Variants in PARD3B observed in about 807,000 individuals in gnomAD.
PARD3B encodes the protein partitioning defective 3 homolog B.
Under a neutral mutation model 130.2 loss-of-function variants are expected in PARD3B, and 103 were observed. The ratio of observed to expected loss-of-function variants is 0.79; its 90% CI spans 0.67 to 0.93. The LOEUF (loss-of-function observed/expected upper bound fraction) is 0.93. Among genes scored for constraint, PARD3B ranks in the 40% least tolerant of loss-of-function variants. The pLI, the probability that PARD3B is intolerant of heterozygous loss-of-function variation, is 0.00. For synonymous variants in PARD3B, 583 were observed against 553.2 expected (o/e 1.05, Z -0.76); for missense variants, 1,609 against 1,499.2 (o/e 1.07, Z -1.21).
intron 2 of PARD3B, among the ~76,000 whole-genome samples, chr2:204,832,195 C>T (rs2043850797): frequency 6.6e-6 from 1 of 151,866 alleles, no homozygotes; most frequent in African/African-American, 2.4e-5. Context: ...CACTGCACTC[C>T]AGTCTGGGCG....
chr2:204,592,363 G>A (rs1273722734), intron 1 of PARD3B, among the ~76,000 whole-genome samples: 1 of 152,108 alleles, frequency 6.6e-6, no homozygotes, highest in Non-Finnish European at 1.5e-5. Flanking sequence ...AGATTATTTT[G>A]GTAACAAGAG....
intron 2 of PARD3B, among the ~76,000 whole-genome samples, chr2:204,730,255 G>A (rs1347348612): frequency 1.3e-5 from 2 of 152,022 alleles, no homozygotes; most frequent in Non-Finnish European, 1.5e-5. Context: ...TTTTAGTGGA[G>A]ATGGGGCTTT....
At chr2:205,487,253 A>G (rs868439941) in intron 20 of PARD3B, among the ~76,000 whole-genome samples, 6 of 152,294 alleles carry the variant, frequency 3.9e-5, no homozygotes, top group African/African-American at 9.6e-5. Flanking sequence ...GCTTCTTTCA[A>G]TTGAAAAATG....
intron 2 of PARD3B, among the ~76,000 whole-genome samples, chr2:204,737,446 ATTTG>A: frequency 6.6e-6 from 1 of 151,976 alleles, no homozygotes. Context: ...TGTTTTGCTG[ATTTG>A]TTTGTGTTCC....
chr2:204,868,577 C>T (rs565359746), intron 2 of PARD3B, among the ~76,000 whole-genome samples: 4 of 152,132 alleles, frequency 2.6e-5, no homozygotes, highest in Non-Finnish European at 5.9e-5. Context: ...CCGTGAAACC[C>T]GGAGAATTTG....
At chr2:205,388,090 A>C (rs1250838004) in intron 18 of PARD3B, among the ~76,000 whole-genome samples, 1 of 152,194 alleles carries the variant, frequency 6.6e-6, no homozygotes, top group Non-Finnish European at 1.5e-5. Flanking sequence ...TTTCTTTTAA[A>C]GGTATGCTCA....
intron 2 of PARD3B, among the ~76,000 whole-genome samples, chr2:204,859,293 A>G (rs2045088104): frequency 6.6e-6 from 1 of 152,180 alleles, no homozygotes; most frequent in Non-Finnish European, 1.5e-5. Flanking sequence ...GGAAATAAAA[A>G]CTAGAAACTT....
chr2:205,407,755 C>G lies in PARD3B; in HGVS notation c.2741+6632C>G, dbSNP rs1032682466. Reference sequence around the variant, plus strand: ...CAAAGACTGTCTTCCATTGAAGTCCCATATTACTGACCCTGAAATAATACT... The same window carrying G: ...CAAAGACTGTCTTCCATTGAAGTCCGATATTACTGACCCTGAAATAATACT... On this transcript the variant is annotated intron_variant, in intron 19 of 22. Coordinates refer to ENST00000406610, the MANE Select transcript of PARD3B (RefSeq NM_001302769.2). This position sits in a 1 kb window ranked among gnomAD's most constrained non-coding sequence, Gnocchi z 4.1. 1.3e-5 allele frequency among the ~76,000 whole-genome samples: 2 copies of G among 152,028 alleles called. No individual in the cohort carries two copies. The highest frequency in any genetic ancestry group is 2.9e-5 in the Non-Finnish European group (2 of 68,000).
At chr2:205,216,703 A>G (rs2037928540) in intron 15 of PARD3B, among the ~76,000 whole-genome samples, 1 of 152,176 alleles carries the variant, frequency 6.6e-6, no homozygotes, top group South Asian at 2.1e-4. Flanking sequence ...GGGCAGAATG[A>G]TGACATGTTT....
At chr2:204,690,066 A>G (rs112989754) in intron 2 of PARD3B, among the ~76,000 whole-genome samples, 419 of 152,280 alleles carry the variant, frequency 2.8e-3, no homozygotes, top group African/African-American at 9.3e-3. Context: ...CTGTTTGCCT[A>G]TAGCCTGCAT....
chr2:204,879,640 G>C (rs2045965284), intron 2 of PARD3B, among the ~76,000 whole-genome samples: 1 of 152,166 alleles, frequency 6.6e-6, no homozygotes, highest in South Asian at 2.1e-4. Context: ...GGTTGTGGGG[G>C]TATAGTGCAA....
intron 10 of PARD3B, among the ~76,000 whole-genome samples, chr2:205,133,103 C>A (rs992410847): frequency 9.9e-5 from 15 of 152,018 alleles, no homozygotes; most frequent in African/African-American, 3.1e-4. Context: ...TGAGCAATAG[C>A]GATTTCTGAT....
intron 2 of PARD3B, among the ~76,000 whole-genome samples, chr2:204,874,490 G>C (rs979894372): frequency 6.6e-6 from 1 of 152,030 alleles, no homozygotes; most frequent in Non-Finnish European, 1.5e-5. Context: ...AGAGAAGGGA[G>C]GCCTAACTGT....
At chr2:205,164,263 A>G (rs2034674485) in intron 11 of PARD3B, among the ~76,000 whole-genome samples, 1 of 152,206 alleles carries the variant, frequency 6.6e-6, no homozygotes, top group Admixed American at 6.6e-5. Flanking sequence ...TTATTTATGA[A>G]TTTTCTACCA....
At chr2:205,052,592 A>T (rs1025118582) in intron 4 of PARD3B, among the ~76,000 whole-genome samples, 1 of 151,466 alleles carries the variant, frequency 6.6e-6, no homozygotes, top group Non-Finnish European at 1.5e-5. Flanking sequence ...AGATTCTATT[A>T]CTTCAGATTT....
At chr2:205,361,214 T>G (rs73982890) in intron 18 of PARD3B, among the ~76,000 whole-genome samples, 4,492 of 152,298 alleles carry the variant, frequency 0.029, 204 homozygotes, top group African/African-American at 0.1. Context: ...TTGGTTTTTG[T>G]ATCTGCACAT....
intron 2 of PARD3B, among the ~76,000 whole-genome samples, chr2:204,934,097 A>G (rs1415739967): frequency 6.6e-6 from 1 of 152,212 alleles, no homozygotes; most frequent in Non-Finnish European, 1.5e-5. Flanking sequence ...AATCAGTGAC[A>G]TCGATGGGAA....
At chr2:205,047,303 G>C (rs1325640483) in intron 3 of PARD3B, among the ~76,000 whole-genome samples, 1 of 152,100 alleles carries the variant, frequency 6.6e-6, no homozygotes, top group Admixed American at 6.6e-5. Context: ...ATTGTACACA[G>C]TCAACTTGTG....
rs2053208764 is a variant in PARD3B at position 205,563,445 on chromosome 2, C to A, written c.3260+10042C>A. Among the ~76,000 whole-genome samples, 2 of 152,090 alleles carry A rather than the reference C, an allele frequency of 1.3e-5. No individual in the cohort carries two copies. The highest frequency in any genetic ancestry group is 4.2e-4 in the South Asian group (2 of 4,814). On this transcript the variant is annotated intron_variant, in intron 22 of 22. Coordinates refer to ENST00000406610, the MANE Select transcript of PARD3B (RefSeq NM_001302769.2). This position sits in a 1 kb window ranked among gnomAD's most constrained non-coding sequence, Gnocchi z 4.2. ...TTCAAACCCAGGACTCTCTGGTTTC[C>A]AAGGCCTTTTTAATTTCACTTGACC...
Sources: gnomAD v4.1 joint callset for allele counts (sites outside exome capture counted in the v4.1 genomes callset) on GRCh38, gnomAD v4.1.1 for gene constraint, Gnocchi (gnomAD v3.1) non-coding constraint, MANE v1.5 for transcripts, NCBI Gene and HGNC (gene_info 2026-07-23, HGNC 2026-07-21) for gene names.